Variants in CHUK observed in about 807,000 individuals in gnomAD.
CHUK encodes component of inhibitor of nuclear factor kappa B kinase complex, also known as inhibitor of nuclear factor kappa-B kinase subunit alpha.
Under a neutral mutation model 104.8 loss-of-function variants are expected in CHUK, and 35 were observed. That is an observed-to-expected ratio of 0.33 (90% CI 0.26 to 0.44). CHUK has a LOEUF of 0.44. Ranked by LOEUF, CHUK falls within the 20% of genes least tolerant of loss-of-function variation. The pLI is 1.00. For missense variants in CHUK, 663 were observed against 902.7 expected (o/e 0.73, Z 3.40); for synonymous variants, 276 against 291.9 (o/e 0.95, Z 0.56).
intron 9 of CHUK, among the ~76,000 whole-genome samples, chr10:100,216,517 A>G (rs1052167065): frequency 6.6e-6 from 1 of 152,196 alleles, no homozygotes; most frequent in Non-Finnish European, 1.5e-5. Context: ...CAACCTGCTC[A>G]ACACAGTGAG....
intron 1 of CHUK, among the ~76,000 whole-genome samples, chr10:100,226,243 T>A (rs1272464518): frequency 6.6e-6 from 1 of 152,132 alleles, no homozygotes; most frequent in Non-Finnish European, 1.5e-5. Context: ...AAGGGAAAAG[T>A]GCCTGAAACT....
chr10:100,215,455 T>C (rs1264109460), intron 9 of CHUK, among the ~76,000 whole-genome samples: 1 of 151,296 alleles, frequency 6.6e-6, no homozygotes, highest in Non-Finnish European at 1.5e-5. Context: ...AGAAAGGAAA[T>C]GTAATGGAAA....
At chr10:100,201,494 G>T (rs983325640) in intron 14 of CHUK, among the ~76,000 whole-genome samples, 2 of 152,130 alleles carry the variant, frequency 1.3e-5, no homozygotes, top group Admixed American at 1.3e-4. Context: ...AAAAATAATA[G>T]TGACAACTAC....
Position 100,218,939 on chromosome 10 carries a change from G to GA in CHUK, c.689+68dup, listed in dbSNP as rs1006438785. ...AAAGGCAATTAAACAATTAAAGAAAGAAAAAAAAAGACAAATGAAAAAATT... is the reference window on the plus strand; with the variant it reads ...AAAGGCAATTAAACAATTAAAGAAAGAAAAAAAAAAGACAAATGAAAAAATT... On this transcript the variant is annotated intron_variant, in intron 7 of 20. Coordinates refer to ENST00000370397, the MANE Select transcript of CHUK (RefSeq NM_001278.5). 6.5e-4 allele frequency: 999 copies of GA among 1,544,710 alleles called. 1 individual carries two copies. The highest frequency in any genetic ancestry group is 2.7e-3 in the African/African-American group (198 of 72,276).
intron 13 of CHUK, 137 bp from the exon 14 acceptor site, chr10:100,202,286 T>G: frequency 1.2e-5 from 8 of 686,896 alleles, no homozygotes; most frequent in Non-Finnish European, 1.3e-5. Context: ...GTGGAATTCC[T>G]AACCCCTAAT....
downstream of CHUK, chr10:100,188,200 T>TA (rs1378336709): frequency 1.3e-5 from 2 of 152,292 alleles, no homozygotes; most frequent in African/African-American, 2.4e-5. Context: ...AAAACACTCT[T>TA]AAAGAAGTTG....
At chr10:100,198,822 A>G (rs1303136991) in intron 16 of CHUK, among the ~76,000 whole-genome samples, 2 of 152,352 alleles carry the variant, frequency 1.3e-5, no homozygotes, top group East Asian at 3.8e-4. Flanking sequence ...GTAAAAGTAT[A>G]TCTTTTTTTA....
At chr10:100,198,586 T>C (rs1845390864) in intron 16 of CHUK, among the ~76,000 whole-genome samples, 1 of 152,170 alleles carries the variant, frequency 6.6e-6, no homozygotes, top group African/African-American at 2.4e-5. Context: ...ATTATGAAAA[T>C]GGTTCTAACC....
intron 12 of CHUK, 144 bp from the exon 13 acceptor site, chr10:100,204,801 A>G (rs1845552745): frequency 1.3e-6 from 1 of 774,876 alleles, no homozygotes; most frequent in Non-Finnish European, 2.0e-6. Context: ...ACTGAGCTCT[A>G]GAATCTGATC....
chr10:100,217,755 T>A (rs1387054118), intron 9 of CHUK, among the ~76,000 whole-genome samples: 1 of 152,128 alleles, frequency 6.6e-6, no homozygotes. Context: ...TGCACACCTT[T>A]AGTCCCAACT....
Position 100,219,054 on chromosome 10 carries a change from T to C in CHUK, c.643A>G (p.Ile215Val). 2 of 1,613,872 alleles carry C rather than the reference T, an allele frequency of 1.2e-6. No individual in the cohort carries two copies. The highest frequency in any genetic ancestry group is 1.1e-5 in the South Asian group (1 of 91,076). Residue 215 changes from isoleucine (I) to valine (V), a missense_variant, in exon 7 of 21, where the codon ATT (isoleucine) becomes GTT (valine). Around this residue, in one of 5 missense-constraint regions of CHUK, gnomAD observed 200 missense variants for 333.0 expected, o/e 0.60. Coordinates refer to ENST00000370397, the MANE Select transcript of CHUK (RefSeq NM_001278.5). ...WSFGTMVFEC[I>V]AGYRPFLHHL... ...TGCAAAAAAGGCCTATATCCAGCAA[T>C]ACATTCAAATACCATGGTCCCAAAG...
chr10:100,228,557 G>A (rs1010359901), intron 1 of CHUK, among the ~76,000 whole-genome samples: 1 of 151,778 alleles, frequency 6.6e-6, no homozygotes, highest in Non-Finnish European at 1.5e-5. Context: ...TCAGGAGGCT[G>A]TGGCAGGAGA....
At chr10:100,202,203 T>C in intron 13 of CHUK, 54 bp from the exon 14 acceptor site, 1 of 1,188,072 alleles carries the variant, frequency 8.4e-7, no homozygotes, top group South Asian at 1.2e-5. Flanking sequence ...CTTTAATTAC[T>C]GGCTGCCTGC....
At chr10:100,221,996 G>T in intron 4 of CHUK, 116 bp downstream of exon 4, 1 of 640,084 alleles carries the variant, frequency 1.6e-6, no homozygotes, top group Non-Finnish European at 2.8e-6. Flanking sequence ...TCTTATAGAT[G>T]TTGAAATTCT....
intron 12 of CHUK, 132 bp from the exon 13 acceptor site, chr10:100,204,789 T>A (rs1211919599): frequency 1.2e-6 from 1 of 800,366 alleles, no homozygotes; most frequent in Non-Finnish European, 2.0e-6. Flanking sequence ...CTATGAGAAA[T>A]AACTGAGCTC....
chr10:100,210,091 A>ATTTATTTTTTT (rs58570772), intron 9 of CHUK, among the ~76,000 whole-genome samples: 111 of 121,818 alleles, frequency 9.1e-4, no homozygotes, highest in African/African-American at 2.2e-3. Context: ...TTATTTATTT[A>ATTTATTTTTTT]TTTTTTTTTT....
chr10:100,206,278 G>GT (rs987797124), intron 11 of CHUK, among the ~76,000 whole-genome samples: 1 of 151,652 alleles, frequency 6.6e-6, no homozygotes, highest in African/African-American at 2.4e-5. Context: ...AATATTTTAT[G>GT]TTTTTTATTT....
At chr10:100,194,698 CTA>C in intron 16 of CHUK, 177 bp from the exon 17 acceptor site, 1 of 481,874 alleles carries the variant, frequency 2.1e-6, no homozygotes, top group South Asian at 2.5e-5. Context: ...TAAATAAAAT[CTA>C]GTTATATATA....
chr10:100,209,580 A>G lies in CHUK; in HGVS notation c.1128+15T>C. Reference sequence around the variant, plus strand: ...ATTTCACATACTCTAGGGATATTATAATTAATTTTCTTACAACTCCATCTA... The same window carrying G: ...ATTTCACATACTCTAGGGATATTATGATTAATTTTCTTACAACTCCATCTA... On this transcript the variant is annotated intron_variant, in intron 10 of 20. Coordinates refer to ENST00000370397, the MANE Select transcript of CHUK (RefSeq NM_001278.5). The G allele has an allele frequency of 1.3e-6, 2 of 1,494,734 alleles. No individual in the cohort carries two copies. Among genetic ancestry groups the G allele is most frequent in the South Asian group, 2.3e-5 (2 of 88,460 alleles). The allele number at this position is 1,494,734 out of a possible 1,614,324, so 92.6% of individuals were successfully genotyped here.
Sources: allele counts gnomAD v4.1 joint callset (sites outside exome capture counted in the v4.1 genomes callset), GRCh38; gene constraint gnomAD v4.1.1; regional missense constraint gnomAD v4.1.1; transcripts MANE v1.5; gene names NCBI Gene and HGNC (gene_info 2026-07-23, HGNC 2026-07-21).